Variants in TAFA1 observed in about 807,000 individuals in gnomAD.
The protein encoded by TAFA1 is chemokine-like protein TAFA-1.
TAFA1 carries 4 observed loss-of-function variants against 18.5 expected under a neutral mutation model. The ratio of observed to expected loss-of-function variants is 0.22; its 90% CI spans 0.11 to 0.49. The LOEUF (loss-of-function observed/expected upper bound fraction) is 0.49, where lower values mean the gene tolerates loss of function less well. Among genes scored for constraint, TAFA1 ranks in the 20% least tolerant of loss-of-function variants. TAFA1 has a pLI of 0.98. For missense variants in TAFA1, 147 were observed against 169.0 expected (o/e 0.87, Z 0.72); for synonymous variants, 56 against 55.2 (o/e 1.01, Z -0.06).
chr3:68,343,729 G>A (rs1012025016), intron 2 of TAFA1, among the ~76,000 whole-genome samples: 6 of 152,152 alleles, frequency 3.9e-5, no homozygotes, highest in Non-Finnish European at 5.9e-5. Context: ...TTGTGTAGCC[G>A]GGTTTGTAGT....
intron 2 of TAFA1, among the ~76,000 whole-genome samples, chr3:68,406,634 T>C (rs2070615689): frequency 6.6e-6 from 1 of 152,164 alleles, no homozygotes. Flanking sequence ...TGAAGGAAAG[T>C]CTACATCAAG....
intron 2 of TAFA1, among the ~76,000 whole-genome samples, chr3:68,038,903 G>A (rs76369789): frequency 0.012 from 1,843 of 152,254 alleles, 21 homozygotes; most frequent in Non-Finnish European, 0.017. Flanking sequence ...AAAAAGGGAT[G>A]CTATTGTATG....
chr3:68,286,271 T>A (rs116647922), intron 2 of TAFA1, among the ~76,000 whole-genome samples: 2,493 of 152,104 alleles, frequency 0.016, 64 homozygotes, highest in African/African-American at 0.056. Context: ...AATATTTTTT[T>A]AAAAATAGAC....
At chr3:68,526,869 AT>A (rs1296515157) in intron 3 of TAFA1, among the ~76,000 whole-genome samples, 1 of 152,154 alleles carries the variant, frequency 6.6e-6, no homozygotes, top group Non-Finnish European at 1.5e-5. Flanking sequence ...TAGAAAAAAA[AT>A]AAAGGTTTTT....
At chr3:68,541,286 A>G (rs9310118) in intron 4 of TAFA1, among the ~76,000 whole-genome samples, 38,197 of 152,146 alleles carry the variant, frequency 0.25, 5,830 homozygotes, top group South Asian at 0.35. Flanking sequence ...AGAAATTTGC[A>G]ATGAAATAAG....
intron 3 of TAFA1, among the ~76,000 whole-genome samples, chr3:68,466,918 T>C (rs970008490): frequency 1.3e-5 from 2 of 152,196 alleles, no homozygotes; most frequent in Non-Finnish European, 2.9e-5. Context: ...TGATGCCCCA[T>C]GAGCAGTAAA....
At chr3:68,516,360 G>C (rs1359156733) in intron 3 of TAFA1, among the ~76,000 whole-genome samples, 1 of 152,108 alleles carries the variant, frequency 6.6e-6, no homozygotes, top group Non-Finnish European at 1.5e-5. Context: ...TCTCAGTCTG[G>C]TGCTTTTCAT....
At position 68,327,317 on chromosome 3, in the gene TAFA1, C is replaced by T. The variant is rs561114035; in HGVS notation, c.119-89963C>T. 2.6e-3 allele frequency among the ~76,000 whole-genome samples: 401 copies of T among 152,106 alleles called. 4 individuals carry two copies. Among genetic ancestry groups the T allele is most frequent in the African/African-American group, 9.2e-3 (381 of 41,500 alleles). On this transcript the variant is annotated intron_variant, in intron 2 of 4. Transcript: ENST00000478136. ...TTCTCAGATGTATTTGGATATTAAC[C>T]GGGAGACTATTTCAGAAATTTGAGG...
At chr3:68,543,377 G>A (rs2073408474) in intron 4 of TAFA1, among the ~76,000 whole-genome samples, 1 of 152,092 alleles carries the variant, frequency 6.6e-6, no homozygotes, top group African/African-American at 2.4e-5. Flanking sequence ...GTCATATCTT[G>A]GGAAGCAGCA....
intron 2 of TAFA1, among the ~76,000 whole-genome samples, chr3:68,190,447 T>C (rs1041083147): frequency 7.9e-5 from 12 of 152,040 alleles, no homozygotes; most frequent in African/African-American, 2.9e-4. Context: ...TACAAAATAT[T>C]GAAGTAGGAA....
chr3:68,088,835 G>C (rs752150880), intron 2 of TAFA1, among the ~76,000 whole-genome samples: 1 of 152,182 alleles, frequency 6.6e-6, no homozygotes, highest in Admixed American at 6.5e-5. Context: ...TATTACTGTT[G>C]ACAAGGTGAG....
At chr3:68,279,384 A>G (rs962928781) in intron 2 of TAFA1, among the ~76,000 whole-genome samples, 1 of 152,094 alleles carries the variant, frequency 6.6e-6, no homozygotes, top group Non-Finnish European at 1.5e-5. Flanking sequence ...ACAGGTGTTC[A>G]TTCTTGGATT....
At chr3:68,470,954 G>A (rs911114046) in intron 3 of TAFA1, among the ~76,000 whole-genome samples, 2 of 152,120 alleles carry the variant, frequency 1.3e-5, no homozygotes, top group African/African-American at 4.8e-5. Context: ...AAGCCTAGGA[G>A]GGAAAAATGT....
Position 68,454,151 on chromosome 3 carries a change from A to AT in TAFA1, c.259+36732dup, listed in dbSNP as rs376116718. Among the ~76,000 whole-genome samples the AT allele has an allele frequency of 4.0e-3, 603 of 152,360 alleles. 4 individuals are homozygous for AT. The highest frequency in any genetic ancestry group is 0.014 in the African/African-American group (566 of 41,588). Reference sequence around the variant, plus strand: ...ACCTACAGTAGTTGACACAGGAATTATAAAAGAATAGTGGCAGCTTTTCCA... The same window carrying AT: ...ACCTACAGTAGTTGACACAGGAATTATTAAAAGAATAGTGGCAGCTTTTCCA... On this transcript the variant is annotated intron_variant, in intron 3 of 4. Transcript: ENST00000478136.
At chr3:68,316,502 G>A (rs1309858232) in intron 2 of TAFA1, among the ~76,000 whole-genome samples, 1 of 152,188 alleles carries the variant, frequency 6.6e-6, no homozygotes, top group Non-Finnish European at 1.5e-5. Flanking sequence ...CCTTTTAGGT[G>A]CTAACTTGCA....
chr3:68,290,909 A>C (rs1041830997), intron 2 of TAFA1, among the ~76,000 whole-genome samples: 24 of 151,358 alleles, frequency 1.6e-4, no homozygotes, highest in African/African-American at 5.1e-4. Context: ...AAAAAAAAAA[A>C]AACTCTTTTT....
chr3:68,377,923 G>A (rs776525903), intron 2 of TAFA1, among the ~76,000 whole-genome samples: 2 of 152,174 alleles, frequency 1.3e-5, no homozygotes, highest in Admixed American at 1.3e-4. Context: ...CAGCCTCCAC[G>A]TGGTGATGGG....
chr3:68,030,577 C>T (rs76105678), intron 2 of TAFA1, among the ~76,000 whole-genome samples: 1 of 152,130 alleles, frequency 6.6e-6, no homozygotes, highest in Non-Finnish European at 1.5e-5. Context: ...ATCCATGTCC[C>T]TGCAAAGGAC....
At chr3:68,027,761 C>A (rs1704846659) in intron 2 of TAFA1, among the ~76,000 whole-genome samples, 1 of 152,138 alleles carries the variant, frequency 6.6e-6, no homozygotes, top group Non-Finnish European at 1.5e-5. Flanking sequence ...TTGAAAATGT[C>A]ATTTCTGTCA....
Sources: allele counts gnomAD v4.1 joint callset (sites outside exome capture counted in the v4.1 genomes callset), GRCh38; gene constraint gnomAD v4.1.1; transcripts MANE v1.5; gene names NCBI Gene and HGNC (gene_info 2026-07-23, HGNC 2026-07-21).